The following PYGB variants were observed in gnomAD, a reference collection of about 807,000 sequenced individuals.
PYGB encodes glycogen phosphorylase, brain form.
PYGB carries 82 observed loss-of-function variants against 94.3 expected under a neutral mutation model. The observed-to-expected ratio is 0.87, with a 90% CI of 0.73 to 1.04. The LOEUF (loss-of-function observed/expected upper bound fraction) is 1.04. Ranked by LOEUF, PYGB falls within the 50% of genes least tolerant of loss-of-function variation. PYGB has a pLI of 0.00. For synonymous variants in PYGB, 488 were observed against 479.1 expected, an observed-to-expected ratio of 1.02 and a Z score of -0.24; for missense variants, 1,132 against 1,158.2, an observed-to-expected ratio of 0.98 and a Z score of 0.33.
intron 1 of PYGB, among the ~76,000 whole-genome samples, chr20:25,256,483 G>A (rs1377883484): frequency 6.2e-5 from 9 of 145,498 alleles, no homozygotes; most frequent in Non-Finnish European, 1.2e-4. Context: ...GCAACAGAGC[G>A]AAACTCTGTC....
At chr20:25,275,871 G>T (rs1480627256) in intron 5 of PYGB, among the ~76,000 whole-genome samples, 4 of 152,236 alleles carry the variant, frequency 2.6e-5, no homozygotes, top group Admixed American at 1.3e-4. Flanking sequence ...GGATACTGGG[G>T]TTTTAGTCTT....
At chr20:25,251,306 C>G (rs1470740416) in intron 1 of PYGB, 4 of 152,212 alleles carry the variant, frequency 2.6e-5, no homozygotes, top group African/African-American at 2.4e-5. Flanking sequence ...CCTTTTCATC[C>G]TGGCCTTTCC....
At chr20:25,284,626 A>G (rs1215189896) in intron 14 of PYGB, among the ~76,000 whole-genome samples, 1 of 152,132 alleles carries the variant, frequency 6.6e-6, no homozygotes, top group African/African-American at 2.4e-5. Context: ...GGGTTTCACT[A>G]TGTTGCCAAG....
rs201321463 is a variant in PYGB, at chr20:25,280,933, T to C, written c.1240-16T>C. The C allele has an allele frequency of 1.2e-6, 2 of 1,612,860 alleles. No homozygotes were observed. Among genetic ancestry groups the C allele is most frequent in the Non-Finnish European group, 8.5e-7 (1 of 1,179,342 alleles). On this transcript the variant is annotated splice_polypyrimidine_tract_variant and intron_variant, in intron 10 of 19. Transcript: ENST00000216962. ...CCTCCTGTGCCCACCCACCTGCCTC[T>C]GTGTTTTGGCACCAGCACGTGGCCG...
chr20:25,284,024 C>T lies in PYGB; in HGVS notation c.1621-80C>T, dbSNP rs77631018. ...CCTCCCTGCGGCACTCTTCACAGGGCACTTGAAGCAGGAAGCCGCAGGGTC... is the reference window on the plus strand; with the variant it reads ...CCTCCCTGCGGCACTCTTCACAGGGTACTTGAAGCAGGAAGCCGCAGGGTC... On this transcript the variant is annotated intron_variant, in intron 13 of 19. Transcript: ENST00000216962. 4.1e-3 allele frequency: 6,234 copies of T among 1,539,168 alleles called. 212 individuals are homozygous for T. The African/African-American group carries it at 0.072, about 18-fold the overall frequency.
At chr20:25,254,545 G>T (rs959267155) in intron 1 of PYGB, among the ~76,000 whole-genome samples, 1 of 152,142 alleles carries the variant, frequency 6.6e-6, no homozygotes, top group East Asian at 1.9e-4. Flanking sequence ...AGAGAAGTTC[G>T]GTTAACAGTG....
chr20:25,282,426 T>C (rs2261794), intron 12 of PYGB, among the ~76,000 whole-genome samples: 1 of 151,826 alleles, frequency 6.6e-6, no homozygotes, highest in African/African-American at 2.4e-5. Context: ...TGCAAAAGAG[T>C]CAAGAGGCAG....
In PYGB at chr20:25,278,589, G is replaced by A. The variant is rs551051577; in HGVS notation, c.999+127G>A. The stretch of plus-strand genomic sequence containing the variant: ...TACATGCCCCTTGTCTTGGGGTCTC[G>A]TCATTCTGGGCCAGGATCCCACCTG... On this transcript the variant is annotated intron_variant, in intron 8 of 19. Coordinates refer to ENST00000216962, the MANE Select transcript of PYGB (RefSeq NM_002862.4). The A allele has an allele frequency of 1.0e-4, 136 of 1,321,144 alleles. 1 individual carries two copies. The African/African-American group carries it at 1.6e-3, about 16-fold the overall frequency. 81.8% of individuals were successfully genotyped at this position (1,321,144 alleles called of 1,614,324 possible).
chr20:25,270,724 G>C (rs2088259520), intron 3 of PYGB, among the ~76,000 whole-genome samples: 1 of 152,192 alleles, frequency 6.6e-6, no homozygotes, highest in East Asian at 1.9e-4. Context: ...CAAACTCCTG[G>C]ACTCAAGCGA....
In PYGB at chr20:25,248,434, C is replaced by T. The variant is rs986553663; in HGVS notation, c.243+13C>T. 8 of 1,432,766 alleles carry T rather than the reference C, an allele frequency of 5.6e-6. No individual in the cohort carries two copies. Among genetic ancestry groups the T allele is most frequent in the East Asian group, 5.9e-5 (2 of 33,988 alleles). The allele number at this position is 1,432,766 out of a possible 1,614,324, so 88.8% of individuals were successfully genotyped here. ...GCGCGACCCCAAGGTGAGGCGCTGC[C>T]CCGCCCTGTGCGCCCGTGCCCGCTG... On this transcript the variant is annotated intron_variant, in intron 1 of 19. Transcript: ENST00000216962.
At position 25,259,335 on chromosome 20, in the gene PYGB, T is replaced by C. The variant is rs959198090; in HGVS notation, c.342T>C (p.Tyr114=). Residue 114 remains tyrosine, a synonymous_variant, in exon 2 of 20, where the codon TAT becomes TAC. Transcript: ENST00000216962. ...GLQNACDEAI[Y]QLGLDLEELE... Reference sequence around the variant, plus strand: ...AGAATGCCTGCGATGAAGCCATCTATCAGGTACAGAGCCTCATGGCCGGGC... The same window carrying C: ...AGAATGCCTGCGATGAAGCCATCTACCAGGTACAGAGCCTCATGGCCGGGC... 4 of 1,602,344 alleles carry C rather than the reference T, an allele frequency of 2.5e-6. No homozygotes were observed. Among genetic ancestry groups the C allele is most frequent in the Non-Finnish European group, 3.4e-6 (4 of 1,169,346 alleles).
chr20:25,264,811 T>G (rs1029903244), intron 2 of PYGB, among the ~76,000 whole-genome samples: 1 of 152,210 alleles, frequency 6.6e-6, no homozygotes, highest in African/African-American at 2.4e-5. Flanking sequence ...TCCATGCTCA[T>G]GGATAGGAAG....
At chr20:25,257,745 A>T (rs1027758259) in intron 1 of PYGB, among the ~76,000 whole-genome samples, 2 of 151,966 alleles carry the variant, frequency 1.3e-5, no homozygotes, top group African/African-American at 4.8e-5. Context: ...TTTTTATAAA[A>T]CCTCTTGTTA....
chr20:25,290,473 C>G lies in PYGB; in HGVS notation c.1828-8C>G, dbSNP rs1196373345. 1 of 1,601,828 alleles carries G rather than the reference C, an allele frequency of 6.2e-7. No homozygotes were observed. The highest frequency in any genetic ancestry group is 1.1e-5 in the South Asian group (1 of 90,874). On this transcript the variant is annotated splice_region_variant and splice_polypyrimidine_tract_variant and intron_variant, in intron 15 of 19. Transcript: ENST00000216962. ...TTTGTGCTAAAAACCTTCACCCTCT[C>G]CTTCCAGGCAGCGCCCGGTTACCAC...
chr20:25,277,523 G>A (rs1309433369), intron 7 of PYGB, among the ~76,000 whole-genome samples, 197 bp downstream of exon 7: 1 of 152,158 alleles, frequency 6.6e-6, no homozygotes, highest in African/African-American at 2.4e-5. Flanking sequence ...AGCCCAAGCG[G>A]CTCTTCGTGT....
intron 4 of PYGB, among the ~76,000 whole-genome samples, chr20:25,273,806 C>A (rs991961373): frequency 2.0e-5 from 3 of 152,238 alleles, no homozygotes; most frequent in African/African-American, 4.8e-5. Flanking sequence ...GGCCCCAGCA[C>A]TTGCGGATTT....
At position 25,295,677 on chromosome 20, in the gene PYGB, C is replaced by G. The variant is rs1421374598; in HGVS notation, c.2379+7C>G. The G allele has an allele frequency of 2.5e-6, 4 of 1,611,766 alleles. No individual in the cohort carries two copies. Among genetic ancestry groups the G allele is most frequent in the Non-Finnish European group, 3.4e-6 (4 of 1,177,928 alleles). On this transcript the variant is annotated splice_region_variant and intron_variant, in intron 19 of 19. Transcript: ENST00000216962. ...GGTGGACCAGCTGTACCGGGTGAGGCTCCTGGGTCCAGAGGCTAGGGGAGC... is the reference window on the plus strand; with the variant it reads ...GGTGGACCAGCTGTACCGGGTGAGGGTCCTGGGTCCAGAGGCTAGGGGAGC...
chr20:25,269,745 C>T (rs1042668939), intron 3 of PYGB, among the ~76,000 whole-genome samples: 18 of 152,206 alleles, frequency 1.2e-4, no homozygotes, highest in Admixed American at 6.5e-4. Context: ...AAGCTCCAGC[C>T]TCTTTTGTCC....
chr20:25,275,250 C>T (rs2088300756), intron 5 of PYGB, among the ~76,000 whole-genome samples: 1 of 152,238 alleles, frequency 6.6e-6, no homozygotes, highest in Non-Finnish European at 1.5e-5. Context: ...GGGGCCAGGC[C>T]CTCCTGCCCA....
Sources: gnomAD v4.1 joint callset for allele counts (sites outside exome capture counted in the v4.1 genomes callset) on GRCh38, gnomAD v4.1.1 for gene constraint, MANE v1.5 for transcripts, NCBI Gene and HGNC (gene_info 2026-07-23, HGNC 2026-07-21) for gene names.